The following SLIT3 variants were observed in gnomAD, a reference collection of about 807,000 sequenced individuals.
The protein encoded by SLIT3 is slit homolog 3 protein.
A neutral mutation model predicts 184.0 loss-of-function variants in SLIT3; 68 were observed. The ratio of observed to expected loss-of-function variants is 0.37; its 90% confidence interval spans 0.30 to 0.45. SLIT3 has a LOEUF of 0.45. Among genes scored for constraint, SLIT3 ranks in the 20% least tolerant of loss-of-function variants. The pLI is 1.00. For missense variants in SLIT3, 1,707 were observed against 2,026.0 expected (o/e 0.84, Z 3.02); for synonymous variants, 831 against 828.6 (o/e 1.00, Z -0.05).
chr5:169,160,256 C>T (rs1276744392), intron 4 of SLIT3, among the ~76,000 whole-genome samples: 1 of 152,194 alleles, frequency 6.6e-6, no homozygotes, highest in Non-Finnish European at 1.5e-5. Context: ...CTACTATTAT[C>T]TTCCTTTTAT....
chr5:168,679,808 T>TG (rs1761526801), intron 32 of SLIT3, among the ~76,000 whole-genome samples: 1 of 151,916 alleles, frequency 6.6e-6, no homozygotes, highest in Non-Finnish European at 1.5e-5. Flanking sequence ...CTGGTTTGGG[T>TG]GGAAAACTGA....
intron 6 of SLIT3, among the ~76,000 whole-genome samples, chr5:168,840,443 A>AT (rs34042363): frequency 0.02 from 2,862 of 141,986 alleles, 80 homozygotes; most frequent in African/African-American, 0.061. Context: ...AGAGTTAAGC[A>AT]TTTTTTTTTT....
Position 169,099,923 on chromosome 5 carries a change from T to C in SLIT3, c.413+93556A>G, listed in dbSNP as rs541039014. Among the ~76,000 whole-genome samples the C allele has an allele frequency of 4.6e-5, 7 of 152,374 alleles. No homozygotes were observed. The South Asian group carries it at 1.4e-3, about 32-fold the overall frequency. ...TGGAAGAGGCAGGTCCAGGCCCACT[T>C]GCTGGGCTTATCTGAACGAAAGCAG... is the stretch of plus-strand genomic sequence containing the variant. On this transcript the variant is annotated intron_variant, in intron 4 of 35. Coordinates refer to ENST00000519560, the MANE Select transcript of SLIT3 (RefSeq NM_003062.4).
intron 4 of SLIT3, among the ~76,000 whole-genome samples, chr5:168,995,096 G>C (rs910771892): frequency 1.3e-5 from 2 of 152,130 alleles, no homozygotes; most frequent in Non-Finnish European, 2.9e-5. Context: ...GGGGATATAG[G>C]CAGGGCTCAT....
intron 14 of SLIT3, among the ~76,000 whole-genome samples, chr5:168,769,886 G>A (rs1231238845): frequency 6.6e-6 from 1 of 152,184 alleles, no homozygotes; most frequent in Non-Finnish European, 1.5e-5. Context: ...TTTTTCTGCT[G>A]TGTGGACCTC....
intron 14 of SLIT3, among the ~76,000 whole-genome samples, chr5:168,764,401 G>T (rs145668875): frequency 3.9e-5 from 6 of 152,290 alleles, no homozygotes; most frequent in South Asian, 2.1e-4. Flanking sequence ...CTCAGTCTGC[G>T]CAGGCTGCTG....
At chr5:169,283,213 C>G (rs1443870715) in intron 1 of SLIT3, among the ~76,000 whole-genome samples, 3 of 152,204 alleles carry the variant, frequency 2.0e-5, no homozygotes, top group Non-Finnish European at 4.4e-5. Flanking sequence ...GTGGCTTTCT[C>G]ACTCATTTGG....
At chr5:168,957,270 T>A (rs1011067968) in intron 4 of SLIT3, among the ~76,000 whole-genome samples, 22 of 151,620 alleles carry the variant, frequency 1.5e-4, no homozygotes, top group African/African-American at 5.3e-4. Context: ...CTGGCTATGT[T>A]GGCCAGGGTG....
chr5:169,258,412 C>T (rs989619602), intron 1 of SLIT3, among the ~76,000 whole-genome samples: 3 of 152,224 alleles, frequency 2.0e-5, no homozygotes, highest in Non-Finnish European at 4.4e-5. Flanking sequence ...TAACAGAGCA[C>T]ATTTCCTACC....
intron 23 of SLIT3, among the ~76,000 whole-genome samples, chr5:168,713,515 T>G (rs1372860990): frequency 6.6e-6 from 1 of 152,260 alleles, no homozygotes; most frequent in Non-Finnish European, 1.5e-5. Flanking sequence ...TAGTGACTGA[T>G]GGGCACCATC....
intron 15 of SLIT3, among the ~76,000 whole-genome samples, chr5:168,762,056 C>A (rs1468599544): frequency 1.3e-5 from 2 of 151,654 alleles, no homozygotes; most frequent in South Asian, 2.1e-4. Context: ...CAGGCATGAC[C>A]CACCAACCAT....
intron 4 of SLIT3, among the ~76,000 whole-genome samples, chr5:169,131,473 G>A (rs1433466581): frequency 6.6e-6 from 1 of 152,170 alleles, no homozygotes; most frequent in East Asian, 1.9e-4. Flanking sequence ...TAAATTAGCA[G>A]GGTCTTCTGA....
chr5:168,998,573 G>A (rs954453171), intron 4 of SLIT3, among the ~76,000 whole-genome samples: 2 of 151,966 alleles, frequency 1.3e-5, no homozygotes, highest in South Asian at 2.1e-4. Flanking sequence ...GAGTGGTGGC[G>A]CATACCTGTA....
chr5:168,924,602 CAGG>C lies in SLIT3; in HGVS notation c.414-41269_414-41267del, dbSNP rs1322629674. On this transcript the variant is annotated intron_variant, in intron 4 of 35. Transcript: ENST00000519560. ...ACAGTTCACTGCAATCTTGAACTCC[CAGG>C]CTCAAGCAATCCTCCCACCTCAAAA... Among the ~76,000 whole-genome samples, 307 of 152,158 alleles carry C rather than the reference CAGG, an allele frequency of 2.0e-3. 2 individuals carry two copies. Among genetic ancestry groups the C allele is most frequent in the African/African-American group, 7.0e-3 (291 of 41,484 alleles).
chr5:169,090,287 T>G (rs1263221204), intron 4 of SLIT3, among the ~76,000 whole-genome samples: 1 of 152,090 alleles, frequency 6.6e-6, no homozygotes, highest in Admixed American at 6.5e-5. Context: ...ATAGTAATAA[T>G]AATGATACTC....
At position 168,921,840 on chromosome 5, in the gene SLIT3, G is replaced by A. The variant is rs1761644700; in HGVS notation, c.414-38504C>T. On this transcript the variant is annotated intron_variant, in intron 4 of 35. Transcript: ENST00000519560. ...TCTTCAAATTAAATTAGAACAAAAAGGCTAACCTTTACTGAGCACATACTA... is the reference window on the plus strand; with the variant it reads ...TCTTCAAATTAAATTAGAACAAAAAAGCTAACCTTTACTGAGCACATACTA... Among the ~76,000 whole-genome samples, 3 of 152,266 alleles carry A rather than the reference G, an allele frequency of 2.0e-5. No individual in the cohort carries two copies. In the South Asian group the frequency reaches 6.2e-4, roughly 32 times the overall value.
At chr5:168,916,011 A>C (rs1324856967) in intron 4 of SLIT3, among the ~76,000 whole-genome samples, 1 of 152,228 alleles carries the variant, frequency 6.6e-6, no homozygotes, top group African/African-American at 2.4e-5. Flanking sequence ...ACATGTGCAC[A>C]ACGTGCAGGT....
At chr5:169,003,398 C>T (rs1755789877) in intron 4 of SLIT3, among the ~76,000 whole-genome samples, 1 of 152,206 alleles carries the variant, frequency 6.6e-6, no homozygotes, top group South Asian at 2.1e-4. Context: ...TCTGACCCTG[C>T]TCAGCTTCTA....
At chr5:168,706,136 C>T (rs1561884541) in intron 26 of SLIT3, among the ~76,000 whole-genome samples, 1 of 152,128 alleles carries the variant, frequency 6.6e-6, no homozygotes, top group Non-Finnish European at 1.5e-5. Flanking sequence ...TTACTGATGG[C>T]CTATTCCACA....
Sources: allele counts gnomAD v4.1 joint callset (sites outside exome capture counted in the v4.1 genomes callset), GRCh38; gene constraint gnomAD v4.1.1; transcripts MANE v1.5; gene names NCBI Gene and HGNC (gene_info 2026-07-23, HGNC 2026-07-21).